Variants in EYS observed in about 807,000 individuals in gnomAD.
EYS encodes the protein protein eyes shut homolog.
A neutral mutation model predicts 282.1 loss-of-function variants in EYS; 250 were observed. That is an observed-to-expected ratio of 0.89 (90% CI 0.80 to 0.98). The LOEUF is 0.98. EYS is among the 50% of genes least tolerant of loss of function. EYS has a pLI of 0.00. For missense variants in EYS, 4,016 were observed against 3,709.0 expected (o/e 1.08, Z -2.15); for synonymous variants, 1,355 against 1,282.9 (o/e 1.06, Z -1.20).
intron 36 of EYS, among the ~76,000 whole-genome samples, chr6:63,846,668 T>C (rs1028530143): frequency 6.6e-6 from 1 of 152,192 alleles, no homozygotes; most frequent in African/African-American, 2.4e-5. Flanking sequence ...CAAAGAGCTG[T>C]GTTAACTTTA....
intron 1 of EYS, among the ~76,000 whole-genome samples, chr6:65,690,313 T>C (rs765688369): frequency 2.0e-5 from 3 of 149,954 alleles, no homozygotes; most frequent in African/African-American, 4.9e-5. Context: ...GAAGGGAGTA[T>C]GCCTTAACCC....
chr6:65,669,636 C>A (rs1039538512), intron 1 of EYS, among the ~76,000 whole-genome samples: 1 of 151,992 alleles, frequency 6.6e-6, no homozygotes, highest in Non-Finnish European at 1.5e-5. Flanking sequence ...AAGAGCTATG[C>A]ATATTGGTGC....
chr6:63,864,934 C>T (rs1197468561), intron 35 of EYS, among the ~76,000 whole-genome samples: 2 of 152,208 alleles, frequency 1.3e-5, no homozygotes, highest in Non-Finnish European at 2.9e-5. Flanking sequence ...AAAAATACTC[C>T]TCTTACCTGC....
chr6:63,886,789 C>T (rs566463113), intron 35 of EYS, among the ~76,000 whole-genome samples: 40 of 152,168 alleles, frequency 2.6e-4, no homozygotes, highest in Non-Finnish European at 4.3e-4. Context: ...AAATCAAATG[C>T]TATAAAATTG....
At chr6:64,532,399 A>G (rs1265008072) in intron 26 of EYS, among the ~76,000 whole-genome samples, 2 of 152,108 alleles carry the variant, frequency 1.3e-5, no homozygotes, top group African/African-American at 4.8e-5. Context: ...CAAACTAGGA[A>G]AATTACAGGA....
intron 15 of EYS, among the ~76,000 whole-genome samples, chr6:64,915,116 A>G (rs1163348666): frequency 6.6e-6 from 1 of 152,064 alleles, no homozygotes. Context: ...TGCTTTTTTT[A>G]AAAATCTTTA....
At chr6:64,078,626 A>C in intron 32 of EYS, among the ~76,000 whole-genome samples, 1 of 152,064 alleles carries the variant, frequency 6.6e-6, no homozygotes. Flanking sequence ...GAAACTCTCT[A>C]GAGTAAACAG....
intron 35 of EYS, among the ~76,000 whole-genome samples, chr6:63,950,861 G>A (rs1265450827): frequency 1.3e-5 from 2 of 151,880 alleles, no homozygotes; most frequent in Admixed American, 6.6e-5. Context: ...TTCCTTTTCT[G>A]GTAGAGACAG....
At chr6:64,951,008 T>C (rs1311703214) in intron 14 of EYS, among the ~76,000 whole-genome samples, 2 of 151,276 alleles carry the variant, frequency 1.3e-5, no homozygotes, top group African/African-American at 2.4e-5. Context: ...AGCTGGAGTT[T>C]GCAGCAGCTT....
rs530901639 is a variant in EYS at position 64,695,409 on chromosome 6, C to A, written c.3444-69164G>T. ...CTTCTGCTACCTTCATTGCCCATTG[C>A]ACCCCAGCTACTGAGAAGGCCTTCA... is the stretch of plus-strand genomic sequence containing the variant. On this transcript the variant is annotated intron_variant, in intron 22 of 42. Transcript: ENST00000503581. 2.6e-5 allele frequency among the ~76,000 whole-genome samples: 4 copies of A among 152,106 alleles called. No homozygotes were observed. The South Asian group carries it at 8.3e-4, about 32-fold the overall frequency.
chr6:65,567,635 T>G (rs983155525), intron 2 of EYS, among the ~76,000 whole-genome samples: 1 of 152,262 alleles, frequency 6.6e-6, no homozygotes, highest in East Asian at 1.9e-4. Flanking sequence ...TTTTTCATAT[T>G]TGCTATTAAT....
intron 5 of EYS, among the ~76,000 whole-genome samples, chr6:65,431,227 T>C (rs1162449861): frequency 6.6e-6 from 1 of 152,204 alleles, no homozygotes; most frequent in East Asian, 1.9e-4. Flanking sequence ...CAAAGCAGCA[T>C]TTAAAGTGTG....
chr6:64,132,814 T>C (rs1243854115), intron 31 of EYS, among the ~76,000 whole-genome samples: 1 of 151,990 alleles, frequency 6.6e-6, no homozygotes, highest in Admixed American at 6.6e-5. Context: ...AATGTTCATA[T>C]ATTTAATACT....
chr6:63,852,995 G>A (rs1210798655), intron 36 of EYS, among the ~76,000 whole-genome samples: 1 of 152,094 alleles, frequency 6.6e-6, no homozygotes, highest in East Asian at 1.9e-4. Flanking sequence ...AAAATAATAA[G>A]AGCTATTTAT....
At chr6:64,879,593 T>G (rs1166531140) in intron 19 of EYS, among the ~76,000 whole-genome samples, 3 of 152,056 alleles carry the variant, frequency 2.0e-5, no homozygotes, top group Admixed American at 6.6e-5. Flanking sequence ...TAGACAGTTT[T>G]GGGGAACTGA....
intron 5 of EYS, among the ~76,000 whole-genome samples, chr6:65,443,615 A>G (rs1433586453): frequency 6.6e-6 from 1 of 150,568 alleles, no homozygotes; most frequent in African/African-American, 2.4e-5. Context: ...ACACATATAC[A>G]CACATATAAA....
At chr6:65,620,490 T>C (rs1167990877) in intron 2 of EYS, among the ~76,000 whole-genome samples, 4 of 151,838 alleles carry the variant, frequency 2.6e-5, no homozygotes, top group South Asian at 2.1e-4. Flanking sequence ...TTGTTGATCG[T>C]TTCAAAAAAC....
At chr6:64,306,067 C>T (rs931476889) in intron 30 of EYS, among the ~76,000 whole-genome samples, 3 of 151,946 alleles carry the variant, frequency 2.0e-5, no homozygotes, top group African/African-American at 7.2e-5. Context: ...GACAAAAAAT[C>T]AAATAGAAAT....
intron 14 of EYS, among the ~76,000 whole-genome samples, chr6:64,950,832 T>TATATATATATA (rs1310289103): frequency 1.9e-5 from 2 of 103,102 alleles, no homozygotes; most frequent in Non-Finnish European, 3.9e-5. Flanking sequence ...TATATATATA[T>TATATATATATA]ATTGTTGAAT....
Sources: gnomAD v4.1 joint callset for allele counts (sites outside exome capture counted in the v4.1 genomes callset) on GRCh38, gnomAD v4.1.1 for gene constraint, MANE v1.5 for transcripts, NCBI Gene and HGNC (gene_info 2026-07-23, HGNC 2026-07-21) for gene names.